SYNE2: variants seen among roughly 807,000 people sequenced by gnomAD.
The protein encoded by SYNE2 is nesprin-2.
A neutral mutation model predicts 856.3 loss-of-function variants in SYNE2; 431 were observed. That is an observed-to-expected ratio of 0.50 (90% confidence interval 0.47 to 0.55). SYNE2 has a LOEUF of 0.55. SYNE2 is among the 20% of genes least tolerant of loss of function. The pLI, the probability that SYNE2 is intolerant of heterozygous loss-of-function variation, is 0.00. For synonymous variants in SYNE2, 2,923 were observed against 2,872.3 expected (o/e 1.02, Z -0.56); for missense variants, 8,129 against 8,023.2 (o/e 1.01, Z -0.50).
rs1595771604 is a variant in SYNE2 at position 64,137,795 on chromosome 14, A to G, written c.14655A>G (p.Lys4885=). 6.2e-7 allele frequency: 1 copy of G among 1,614,210 alleles called. No homozygotes were observed. The highest frequency in any genetic ancestry group is 1.1e-5 in the South Asian group (1 of 91,084). The part of the protein sequence containing the change: ...VERISFYQQI[K]RNIGGKHARL... ...ACTTTACTTTTTATTAGCAAATAAA[A>G]AGAAACATTGGTGGAAAACACGCCC... Residue 4885 remains lysine (K), a synonymous_variant, in exon 79 of 116, where the codon AAA becomes AAG. Transcript: ENST00000555002.
intron 12 of SYNE2, among the ~76,000 whole-genome samples, chr14:63,977,652 C>T (rs763112249): frequency 3.3e-5 from 5 of 152,034 alleles, no homozygotes; most frequent in African/African-American, 1.2e-4. Flanking sequence ...CCCAGCTACT[C>T]AGGAAGCTGA....
At chr14:63,940,112 G>A (rs1014856545) in intron 2 of SYNE2, among the ~76,000 whole-genome samples, 8 of 141,530 alleles carry the variant, frequency 5.7e-5, no homozygotes, top group East Asian at 2.1e-4. Context: ...GAGTCTTGCC[G>A]TGTTGACCAG....
intron 83 of SYNE2, among the ~76,000 whole-genome samples, chr14:64,144,816 A>G (rs1342594832): frequency 6.6e-6 from 1 of 152,180 alleles, no homozygotes; most frequent in Non-Finnish European, 1.5e-5. Flanking sequence ...CAGAGTGTTC[A>G]ATTCAGCATC....
intron 1 of SYNE2, among the ~76,000 whole-genome samples, chr14:63,798,910 G>A (rs1888025736): frequency 6.6e-6 from 1 of 152,092 alleles, no homozygotes; most frequent in Non-Finnish European, 1.5e-5. Flanking sequence ...TGGGTTCTGT[G>A]GATGCCAGAG....
At chr14:64,003,772 C>G (rs1471727413) in intron 30 of SYNE2, among the ~76,000 whole-genome samples, 1 of 150,128 alleles carries the variant, frequency 6.7e-6, no homozygotes, top group Non-Finnish European at 1.5e-5. Context: ...CTCCTCCTCC[C>G]AGCAGGATTA....
chr14:64,147,266 G>A (rs982088827), intron 84 of SYNE2, among the ~76,000 whole-genome samples: 5 of 152,156 alleles, frequency 3.3e-5, no homozygotes, highest in African/African-American at 1.2e-4. Context: ...GTGCAGGCCT[G>A]TCTCATGCAG....
chr14:64,162,777 T>C, intron 88 of SYNE2: 1 of 250,142 alleles, frequency 4.0e-6, no homozygotes. Context: ...GAATACTCTT[T>C]AGTTCTGAAC....
Position 64,218,337 on chromosome 14 carries a change from AGTT to A in SYNE2, c.19543-57_19543-55del, listed in dbSNP as rs1228159137. The A allele has an allele frequency of 2.2e-5, 32 of 1,438,566 alleles. No homozygotes were observed. The African/African-American group carries it at 4.0e-4, about 18-fold the overall frequency. 89.1% of individuals were successfully genotyped at this position (1,438,566 alleles called of 1,614,324 possible). A position where few individuals can be genotyped will look rare whatever the true frequency, so the allele number is the denominator to read the frequency against. On this transcript the variant is annotated intron_variant, in intron 108 of 115. Coordinates refer to ENST00000555002, the MANE Select transcript of SYNE2 (RefSeq NM_182914.3). ...TTCACTGTTAATATGAAATGAATCC[AGTT>A]GTTCTTCAGATATCCTTCATATCTA...
intron 1 of SYNE2, among the ~76,000 whole-genome samples, chr14:63,841,124 G>A (rs140220862): frequency 2.2e-4 from 34 of 152,266 alleles, no homozygotes; most frequent in Non-Finnish European, 4.1e-4. Context: ...GGGGCTTAGA[G>A]GGGGGGCCCC....
intron 1 of SYNE2, among the ~76,000 whole-genome samples, chr14:63,829,601 T>C (rs992130324): frequency 6.6e-6 from 1 of 152,148 alleles, no homozygotes; most frequent in African/African-American, 2.4e-5. Context: ...TATTTATTTT[T>C]ACTTTATTAA....
intron 90 of SYNE2, among the ~76,000 whole-genome samples, chr14:64,165,845 C>T (rs1276999386): frequency 1.3e-5 from 2 of 152,046 alleles, no homozygotes; most frequent in Non-Finnish European, 2.9e-5. Flanking sequence ...CATTTTTATG[C>T]CATTCATTAC....
At position 64,081,451 on chromosome 14, in the gene SYNE2, TAAGATGG is replaced by T; in HGVS notation, c.11357_11363del (p.Lys3786ArgfsTer7). 6.2e-7 allele frequency: 1 copy of T among 1,614,152 alleles called. No individual in the cohort carries two copies. The highest frequency in any genetic ancestry group is 8.5e-7 in the Non-Finnish European group (1 of 1,180,020). On this transcript the variant is annotated frameshift_variant, in exon 57 of 116. Coordinates refer to ENST00000555002, the MANE Select transcript of SYNE2 (RefSeq NM_182914.3). LOFTEE classifies it high-confidence loss of function. ...CTGCATCTCTTTCCCAGGCCACAGTTAAGATGGAGGAATATAGTGACCTTCTGAAGAG... is the reference window on the plus strand; with the variant it reads ...CTGCATCTCTTTCCCAGGCCACAGTTAGGAATATAGTGACCTTCTGAAGAG...
At chr14:63,943,533 G>T (rs895236971) in intron 6 of SYNE2, among the ~76,000 whole-genome samples, 2 of 151,966 alleles carry the variant, frequency 1.3e-5, no homozygotes, top group Non-Finnish European at 2.9e-5. Context: ...AATTACAATG[G>T]AATAATATGC....
chr14:63,784,056 T>C (rs1369415893), intron 1 of SYNE2, among the ~76,000 whole-genome samples: 1 of 152,200 alleles, frequency 6.6e-6, no homozygotes, highest in Non-Finnish European at 1.5e-5. Flanking sequence ...AATATACATG[T>C]GCATATATGT....
intron 45 of SYNE2, 81 bp from the exon 46 acceptor site, chr14:64,047,919 G>A: frequency 6.9e-7 from 1 of 1,453,582 alleles, no homozygotes; most frequent in Non-Finnish European, 9.6e-7. Context: ...AGAAGAAACT[G>A]GAATGTTTTC....
chr14:64,150,552 G>C, intron 84 of SYNE2, among the ~76,000 whole-genome samples: 1 of 64,698 alleles, frequency 1.5e-5, no homozygotes, highest in East Asian at 3.5e-4. Flanking sequence ...TTTTTGAAGG[G>C]TGTGTGTGTG....
rs1235259388 is a variant in SYNE2 at position 64,091,030 on chromosome 14, A to T, written c.11958A>T (p.Glu3986Asp). 6.2e-7 allele frequency: 1 copy of T among 1,614,082 alleles called. No individual in the cohort carries two copies. The highest frequency in any genetic ancestry group is 1.7e-5 in the Admixed American group (1 of 60,022). ...AACTATTGGAAAATGTGACTCAAGA[A>T]CAAAATGAGTTATTAAAGGTAAGCA... ...DIKLLENVTQ[E>D]QNELLKVVIK... The change falls in exon 60 of 116, where the codon GAA (glutamate) becomes GAT (aspartate). Residue 3986 changes from glutamate to aspartate, a missense_variant. Physicochemically the swap from Glu to Asp is conservative, Grantham distance 45 (BLOSUM62 2). Around this residue, in one of 3 missense-constraint regions of SYNE2, gnomAD observed 5,410 missense variants for 5,284.8 expected, o/e 1.02. Transcript: ENST00000555002.
At chr14:63,839,944 A>G (rs1237820751) in intron 1 of SYNE2, among the ~76,000 whole-genome samples, 1 of 152,166 alleles carries the variant, frequency 6.6e-6, no homozygotes, top group Non-Finnish European at 1.5e-5. Context: ...GCTGAAGAAA[A>G]GATAACCCCA....
rs751892701 is a variant in SYNE2, at chr14:64,225,362, G to A, written c.20560G>A (p.Val6854Met). Residue 6854 changes from valine to methionine, a missense_variant, in exon 116 of 116, where the codon GTG becomes ATG. Around this residue, in one of 3 missense-constraint regions of SYNE2, gnomAD observed 5,410 missense variants for 5,284.8 expected, o/e 1.02. Coordinates refer to ENST00000555002, the MANE Select transcript of SYNE2 (RefSeq NM_182914.3). Reference protein sequence around the residue: ...TRPQRSFLSRVVRAALPLQLL... With the variant: ...TRPQRSFLSRMVRAALPLQLL... ...GCCACAGCGCTCCTTCCTCTCAAGG[G>A]TGGTCCGGGCAGCCCTACCCCTGCA... The A allele has an allele frequency of 6.2e-6, 10 of 1,614,154 alleles. No individual in the cohort carries two copies. The highest frequency in any genetic ancestry group is 1.7e-6 in the Non-Finnish European group (2 of 1,180,030).
Sources: gnomAD v4.1 joint callset for allele counts (sites outside exome capture counted in the v4.1 genomes callset) on GRCh38, gnomAD v4.1.1 for gene constraint, gnomAD v4.1.1 regional missense constraint, MANE v1.5 for transcripts, NCBI Gene and HGNC (gene_info 2026-07-23, HGNC 2026-07-21) for gene names.